The following PTPN4 variants were observed in gnomAD, a reference collection of about 807,000 sequenced individuals.
The protein encoded by PTPN4 is tyrosine-protein phosphatase non-receptor type 4.
PTPN4 carries 49 observed loss-of-function variants against 135.5 expected under a neutral mutation model. The observed-to-expected ratio is 0.36, with a 90% confidence interval of 0.29 to 0.46. The LOEUF is 0.46. Among genes scored for constraint, PTPN4 ranks in the 20% least tolerant of loss-of-function variants. The probability of loss-of-function intolerance (pLI) is 1.00; values close to 1 mark genes in which losing one functional copy is unlikely to be tolerated. For synonymous variants in PTPN4, 333 were observed against 369.9 expected, an observed-to-expected ratio of 0.90 and a Z score of 1.14; for missense variants, 860 against 1,101.0, an observed-to-expected ratio of 0.78 and a Z score of 3.10.
rs147435594 is a variant in PTPN4, at chr2:119,956,902, T to C, written c.2039T>C (p.Ile680Thr). 1.2e-5 allele frequency: 20 copies of C among 1,610,228 alleles called. No homozygotes were observed. In the African/African-American group the frequency reaches 1.9e-4, roughly 15 times the overall value. ...TMSCAKLPQNISKNRYRDISP... is the reference protein window; with the variant it reads ...TMSCAKLPQNTSKNRYRDISP... ...TCCTGTGCCAAATTACCTCAGAATA[T>C]TTCCAAAAATAGATACAGAGATATT... is the stretch of plus-strand genomic sequence containing the variant. The change falls in exon 21 of 27, where the codon ATT becomes ACT. Residue 680 changes from isoleucine to threonine, a missense_variant. This residue lies in a region of PTPN4 where 684 missense variants were observed against 807.0 expected (regional missense o/e 0.85). Transcript: ENST00000263708.
At chr2:119,904,297 A>G (rs1345373872) in intron 10 of PTPN4, among the ~76,000 whole-genome samples, 1 of 152,152 alleles carries the variant, frequency 6.6e-6, no homozygotes, top group Non-Finnish European at 1.5e-5. Flanking sequence ...AGCATCAACA[A>G]TAGACTAGAT....
At chr2:119,885,411 T>C (rs1379249178) in intron 8 of PTPN4, among the ~76,000 whole-genome samples, 2 of 152,128 alleles carry the variant, frequency 1.3e-5, no homozygotes, top group African/African-American at 4.8e-5. Context: ...GCCCTGGAGG[T>C]TGGCTTAGAA....
Position 119,977,198 on chromosome 2 carries a change from C to T in PTPN4, c.*128C>T. The T allele has an allele frequency of 3.0e-6, 4 of 1,355,712 alleles. No homozygotes were observed. Among genetic ancestry groups the T allele is most frequent in the Non-Finnish European group, 3.8e-6 (4 of 1,046,636 alleles). 84.0% of individuals were successfully genotyped at this position (1,355,712 alleles called of 1,614,324 possible). On this transcript the variant is annotated 3_prime_UTR_variant, in exon 27 of 27. Transcript: ENST00000263708. ...GAAGAACTCAAAAAAACTTTGAAAA[C>T]TTCAGCACTGTTGCACTTTATGTTT... is the stretch of plus-strand genomic sequence containing the variant.
chr2:119,820,224 A>C (rs1475589477), intron 2 of PTPN4, among the ~76,000 whole-genome samples: 1 of 152,190 alleles, frequency 6.6e-6, no homozygotes, highest in Non-Finnish European at 1.5e-5. Flanking sequence ...ATAATCATTT[A>C]AATATTTTTG....
chr2:119,947,334 C>T (rs780885794), intron 18 of PTPN4, among the ~76,000 whole-genome samples: 2 of 152,152 alleles, frequency 1.3e-5, no homozygotes, highest in African/African-American at 2.4e-5. Context: ...TGGTGCTTTG[C>T]AGCAACCTCA....
intron 26 of PTPN4, among the ~76,000 whole-genome samples, chr2:119,970,318 T>C (rs1488453814): frequency 1.3e-5 from 2 of 151,692 alleles, no homozygotes; most frequent in Non-Finnish European, 2.9e-5. Flanking sequence ...CCTTGGCCTC[T>C]CAAAGTGCTG....
chr2:119,962,825 T>C, intron 24 of PTPN4, 81 bp downstream of exon 24: 1 of 1,181,274 alleles, frequency 8.5e-7, no homozygotes, highest in Non-Finnish European at 1.1e-6. Flanking sequence ...TTAGTTTGAG[T>C]ATTGGTTGCT....
At chr2:119,844,930 G>A (rs1420464742) in intron 2 of PTPN4, among the ~76,000 whole-genome samples, 4 of 151,260 alleles carry the variant, frequency 2.6e-5, no homozygotes, top group Non-Finnish European at 4.4e-5. Context: ...GTAGTGAGCC[G>A]AGATCACGCC....
At chr2:119,877,694 T>G in intron 5 of PTPN4, 152 bp downstream of exon 5, 19 of 1,099,990 alleles carry the variant, frequency 1.7e-5, no homozygotes, top group East Asian at 2.8e-5. Context: ...AGATAACGTT[T>G]TCCTCCTTTT....
intron 19 of PTPN4, 111 bp downstream of exon 19, chr2:119,952,240 C>G (rs943510967): frequency 2.2e-5 from 22 of 1,018,250 alleles, no homozygotes; most frequent in African/African-American, 3.3e-5. Flanking sequence ...GTTTCCTGCT[C>G]AAAGCACAGT....
At chr2:119,804,855 A>T (rs1268861252) in intron 1 of PTPN4, among the ~76,000 whole-genome samples, 1 of 152,224 alleles carries the variant, frequency 6.6e-6, no homozygotes, top group Non-Finnish European at 1.5e-5. Context: ...GAATCATCAT[A>T]CTGTCTTCCA....
intron 1 of PTPN4, among the ~76,000 whole-genome samples, chr2:119,766,449 CGTGTGT>C (rs745803520): frequency 0.086 from 11,293 of 130,994 alleles, 546 homozygotes; most frequent in East Asian, 0.13. Context: ...CATGTGCGCG[CGTGTGT>C]GTGTGTGTGT....
At chr2:119,851,236 G>A (rs1319515316) in intron 2 of PTPN4, among the ~76,000 whole-genome samples, 4 of 152,104 alleles carry the variant, frequency 2.6e-5, no homozygotes, top group Admixed American at 6.5e-5. Context: ...CCGAGTTACC[G>A]GCAGTGAATC....
intron 2 of PTPN4, among the ~76,000 whole-genome samples, chr2:119,854,268 T>C (rs1054548540): frequency 3.9e-5 from 6 of 152,180 alleles, no homozygotes; most frequent in Admixed American, 1.3e-4. Context: ...CCATGCTGAA[T>C]GGACCCAGTT....
intron 1 of PTPN4, among the ~76,000 whole-genome samples, chr2:119,780,415 T>C (rs1690915088): frequency 6.6e-6 from 1 of 152,220 alleles, no homozygotes; most frequent in Non-Finnish European, 1.5e-5. Flanking sequence ...AAGTCCCTTA[T>C]ACTTTCTACC....
chr2:119,831,654 T>C (rs531875700), intron 2 of PTPN4, among the ~76,000 whole-genome samples: 61 of 152,336 alleles, frequency 4.0e-4, no homozygotes, highest in Middle Eastern at 3.4e-3. Flanking sequence ...ATCTATTTTA[T>C]TTGATATTAT....
At chr2:119,970,626 G>A (rs1679518245) in intron 26 of PTPN4, among the ~76,000 whole-genome samples, 1 of 152,138 alleles carries the variant, frequency 6.6e-6, no homozygotes, top group Non-Finnish European at 1.5e-5. Flanking sequence ...ACTGCAGTAT[G>A]TATTATTACT....
At chr2:119,776,051 A>G (rs1690831058) in intron 1 of PTPN4, among the ~76,000 whole-genome samples, 1 of 152,238 alleles carries the variant, frequency 6.6e-6, no homozygotes, top group Non-Finnish European at 1.5e-5. Flanking sequence ...ACAGTCTGGC[A>G]GAAGGGTTCC....
chr2:119,801,634 A>G (rs1215579750), intron 1 of PTPN4, among the ~76,000 whole-genome samples: 1 of 152,024 alleles, frequency 6.6e-6, no homozygotes, highest in East Asian at 1.9e-4. Flanking sequence ...TTAGATTTAC[A>G]CCTAAGTATT....
Sources: gnomAD v4.1 joint callset for allele counts (sites outside exome capture counted in the v4.1 genomes callset) on GRCh38, gnomAD v4.1.1 for gene constraint, gnomAD v4.1.1 regional missense constraint, MANE v1.5 for transcripts, NCBI Gene and HGNC (gene_info 2026-07-23, HGNC 2026-07-21) for gene names.